The following FAM117B variants were observed in gnomAD, a reference collection of about 807,000 sequenced individuals.
FAM117B encodes the protein protein FAM117B.
In FAM117B, 22 loss-of-function variants were observed where a neutral mutation model predicts 52.8. The ratio of observed to expected loss-of-function variants is 0.42; its 90% CI spans 0.30 to 0.59. The LOEUF (loss-of-function observed/expected upper bound fraction) is 0.59, where lower values mean the gene tolerates loss of function less well. FAM117B is among the 20% of genes least tolerant of loss of function. The probability of loss-of-function intolerance (pLI) is 0.22; values close to 1 mark genes in which losing one functional copy is unlikely to be tolerated. For synonymous variants in FAM117B, 309 were observed against 324.1 expected, an observed-to-expected ratio of 0.95 and a Z score of 0.50; for missense variants, 678 against 802.6, an observed-to-expected ratio of 0.84 and a Z score of 1.88.
chr2:202,732,088 A>C (rs1185155392), intron 4 of FAM117B, among the ~76,000 whole-genome samples: 2 of 139,736 alleles, frequency 1.4e-5, no homozygotes, highest in Admixed American at 7.3e-5. Flanking sequence ...ATGGGGTTTC[A>C]CCTTGTTGGC....
intron 1 of FAM117B, among the ~76,000 whole-genome samples, chr2:202,642,028 C>T (rs1223488781): frequency 1.3e-5 from 2 of 149,182 alleles, no homozygotes; most frequent in Non-Finnish European, 3.0e-5. Flanking sequence ...CTGCAACCTC[C>T]GCCTCCCAGG....
chr2:202,640,295 A>ATATATATATATATATATAT (rs1559091986), intron 1 of FAM117B, among the ~76,000 whole-genome samples: 3 of 51,304 alleles, frequency 5.8e-5, no homozygotes, highest in African/African-American at 8.4e-5. Context: ...ACCACCACAA[A>ATATATATATATATATATAT]ATATATATAT....
intron 2 of FAM117B, among the ~76,000 whole-genome samples, chr2:202,704,228 G>A (rs925487052): frequency 5.3e-5 from 8 of 152,106 alleles, no homozygotes; most frequent in East Asian, 1.9e-4. Flanking sequence ...TAAAACTCTC[G>A]GAACAGTATC....
intron 1 of FAM117B, among the ~76,000 whole-genome samples, chr2:202,651,880 C>T (rs1414132067): frequency 1.3e-5 from 2 of 151,548 alleles, no homozygotes; most frequent in East Asian, 3.9e-4. Context: ...ATGGAGAAAC[C>T]CTGTCTCTAC....
At chr2:202,663,730 C>T (rs907548954) in intron 1 of FAM117B, among the ~76,000 whole-genome samples, 2 of 151,986 alleles carry the variant, frequency 1.3e-5, no homozygotes, top group South Asian at 4.2e-4. Flanking sequence ...ATTACAGGCA[C>T]CCCCTGCCAC....
intron 2 of FAM117B, among the ~76,000 whole-genome samples, chr2:202,699,705 T>C (rs143477632): frequency 1.3e-5 from 2 of 152,320 alleles, no homozygotes; most frequent in Non-Finnish European, 2.9e-5. Context: ...GTAAAATATA[T>C]ATAACAAGGT....
chr2:202,688,011 A>AT (rs1471738140), intron 1 of FAM117B, among the ~76,000 whole-genome samples: 6 of 152,174 alleles, frequency 3.9e-5, no homozygotes, highest in Non-Finnish European at 8.8e-5. Flanking sequence ...GTGGAAATTC[A>AT]TTTTTTCCTA....
chr2:202,650,263 G>C (rs1442791179), intron 1 of FAM117B, among the ~76,000 whole-genome samples: 1 of 152,190 alleles, frequency 6.6e-6, no homozygotes, highest in Non-Finnish European at 1.5e-5. Context: ...TTTGGTAGAT[G>C]AAAGAGTGTA....
At chr2:202,690,125 C>G (rs1225877195) in intron 1 of FAM117B, among the ~76,000 whole-genome samples, 1 of 152,128 alleles carries the variant, frequency 6.6e-6, no homozygotes. Context: ...CTCTGAACTC[C>G]AGGACCCAAG....
At chr2:202,698,611 T>G (rs1241835263) in intron 2 of FAM117B, among the ~76,000 whole-genome samples, 1 of 152,036 alleles carries the variant, frequency 6.6e-6, no homozygotes. Context: ...TTAGTAGAGA[T>G]GGAGTTTCAC....
intron 4 of FAM117B, among the ~76,000 whole-genome samples, chr2:202,755,229 T>G (rs1691784032): frequency 6.6e-6 from 1 of 152,202 alleles, no homozygotes; most frequent in South Asian, 2.1e-4. Context: ...TTCTGAAATC[T>G]GAGCTCTGTT....
intron 1 of FAM117B, among the ~76,000 whole-genome samples, chr2:202,686,406 C>T (rs1283755506): frequency 6.6e-6 from 1 of 152,218 alleles, no homozygotes; most frequent in Non-Finnish European, 1.5e-5. Context: ...AGCATTTCCA[C>T]TGTTTACCCA....
intron 1 of FAM117B, among the ~76,000 whole-genome samples, chr2:202,677,092 A>G (rs906512211): frequency 6.1e-5 from 9 of 148,406 alleles, no homozygotes; most frequent in Non-Finnish European, 1.3e-4. Context: ...TTCTTTTGAG[A>G]CAGTCTCGCT....
rs879811734 is a variant in FAM117B at position 202,726,946 on chromosome 2, T to TA, written c.960+594dup. Among the ~76,000 whole-genome samples the TA allele has an allele frequency of 8.3e-3, 1,225 of 147,798 alleles. 10 individuals are homozygous for TA. Among genetic ancestry groups the TA allele is most frequent in the African/African-American group, 0.017 (708 of 40,514 alleles). ...ATTTAAAGTATAATTTAAAAAAATG[T>TA]AAAAAAAAAAATAGCTGTCTCATAG... On this transcript the variant is annotated intron_variant, in intron 4 of 7. Transcript: ENST00000392238.
chr2:202,704,752 C>T (rs187295486), intron 2 of FAM117B, among the ~76,000 whole-genome samples: 4 of 151,846 alleles, frequency 2.6e-5, no homozygotes, highest in Admixed American at 1.3e-4. Flanking sequence ...CCACCATGCC[C>T]GGCTAATATA....
At chr2:202,750,545 G>T (rs1290674839) in intron 4 of FAM117B, among the ~76,000 whole-genome samples, 1 of 152,114 alleles carries the variant, frequency 6.6e-6, no homozygotes, top group Non-Finnish European at 1.5e-5. Context: ...CTCAACTACT[G>T]CCTTAGATGC....
chr2:202,644,064 G>GTTTTTTTTTTTTTTTTTT (rs1161026426), intron 1 of FAM117B, among the ~76,000 whole-genome samples: 22 of 95,160 alleles, frequency 2.3e-4, no homozygotes, highest in African/African-American at 7.2e-4. Flanking sequence ...TTTTTTTTTT[G>GTTTTTTTTTTTTTTTTTT]TTTTTTTTTT....
Position 202,635,036 on chromosome 2 carries a change from C to T in FAM117B, c.-152C>T, listed in dbSNP as rs956801241. On this transcript the variant is annotated 5_prime_UTR_variant, in exon 1 of 8. Coordinates refer to ENST00000392238, the MANE Select transcript of FAM117B (RefSeq NM_173511.4). ...CGGCGGCTGCACCACCTCGTTGCTGCCTGCCCCGGCCCGGTCTCCCCCTGC... is the reference window on the plus strand; with the variant it reads ...CGGCGGCTGCACCACCTCGTTGCTGTCTGCCCCGGCCCGGTCTCCCCCTGC... Among the ~76,000 whole-genome samples the T allele has an allele frequency of 6.8e-6, 1 of 147,982 alleles. No homozygotes were observed. The highest frequency in any genetic ancestry group is 2.1e-4 in the East Asian group (1 of 4,772).
intron 1 of FAM117B, among the ~76,000 whole-genome samples, chr2:202,693,798 G>A (rs1238201764): frequency 2.0e-5 from 3 of 152,140 alleles, no homozygotes; most frequent in Non-Finnish European, 2.9e-5. Flanking sequence ...CTGCCGTAAT[G>A]TGTCCAATCA....
Sources: gnomAD v4.1 joint callset for allele counts (sites outside exome capture counted in the v4.1 genomes callset) on GRCh38, gnomAD v4.1.1 for gene constraint, MANE v1.5 for transcripts, NCBI Gene and HGNC (gene_info 2026-07-23, HGNC 2026-07-21) for gene names.